The following ZNF717 variants were observed in gnomAD, a reference collection of about 807,000 sequenced individuals.
ZNF717 encodes the protein zinc finger protein 717.
A neutral mutation model predicts 13.8 loss-of-function variants in ZNF717; 9 were observed. That is an observed-to-expected ratio of 0.65 (90% CI 0.39 to 1.14). The LOEUF (loss-of-function observed/expected upper bound fraction) is 1.14, where lower values mean the gene tolerates loss of function less well. Among genes scored for constraint, ZNF717 ranks in the 50% most tolerant of loss-of-function variants. ZNF717 has a pLI of 0.01. For missense variants in ZNF717, 1,040 were observed against 1,080.7 expected (o/e 0.96, Z 0.53); for synonymous variants, 327 against 364.1 (o/e 0.90, Z 1.16).
At chr3:75,775,212 C>T (rs148656344) in intron 2 of ZNF717, among the ~76,000 whole-genome samples, 3 of 152,080 alleles carry the variant, frequency 2.0e-5, no homozygotes, top group Admixed American at 6.5e-5. Flanking sequence ...GATCCACCTA[C>T]CTTGGCCTCC....
At chr3:75,739,684 T>TA (rs33959274) in intron 4 of ZNF717, among the ~76,000 whole-genome samples, 1 of 150,756 alleles carries the variant, frequency 6.6e-6, no homozygotes, top group Non-Finnish European at 1.5e-5. Context: ...TCTTTTTTTT[T>TA]ATTTATTCAT....
At chr3:75,708,239 C>A, downstream of ZNF717, among the ~76,000 whole-genome samples, 1 of 152,292 alleles carries the variant, frequency 6.6e-6, no homozygotes. Context: ...CTGGGTACTC[C>A]TCTGAGACAA....
In ZNF717 at chr3:75,737,160, T is replaced by C; in HGVS notation, c.2463A>G (p.Lys821=). ...AGAGTTTTGACTTCTGGGAGAAGGT[T>C]TTCCTACATTCTTTACATTCAAATG... ...EKPFECKECR[K]TFSQKSKLFV... The change falls in exon 5 of 5, where the codon AAA becomes AAG. Residue 821 remains lysine (K), a synonymous_variant. Coordinates refer to ENST00000652011, the MANE Select transcript of ZNF717 (RefSeq NM_001290208.3). The C allele has an allele frequency of 6.4e-7, 1 of 1,559,670 alleles. No homozygotes were observed. The highest frequency in any genetic ancestry group is 1.2e-5 in the South Asian group (1 of 84,842).
chr3:75,729,357 T>C (rs1376802251), downstream of ZNF717, among the ~76,000 whole-genome samples: 3 of 152,248 alleles, frequency 2.0e-5, no homozygotes, highest in Admixed American at 2.0e-4. Flanking sequence ...AGCTCACATC[T>C]GTAATCCCAG....
At chr3:75,708,357 G>C (rs546681799), downstream of ZNF717, among the ~76,000 whole-genome samples, 3 of 152,402 alleles carry the variant, frequency 2.0e-5, no homozygotes, top group Non-Finnish European at 2.9e-5. Context: ...AGGCAAACAG[G>C]GTCTGGAGTG....
At position 75,739,212 on chromosome 3, in the gene ZNF717, G is replaced by A; in HGVS notation, c.411C>T (p.Asn137=). The A allele has an allele frequency of 1.3e-6, 2 of 1,550,914 alleles. No individual in the cohort carries two copies. The highest frequency in any genetic ancestry group is 1.7e-6 in the Non-Finnish European group (2 of 1,146,610). Residue 137 remains asparagine, a synonymous_variant, in exon 5 of 5, where the codon AAC becomes AAT. Coordinates refer to ENST00000652011, the MANE Select transcript of ZNF717 (RefSeq NM_001290208.3). ...TAATCAGATTTAAAACATGGTTTGA[G>A]TTCAAATTAAATGTTTTTCCTAATT... ...RVELGKTFNL[N]SNHVLNLIIN... is the part of the protein sequence containing the mutation.
rs796460200 is a variant in ZNF717, at chr3:75,753,218, T to C, written c.58-11482A>G. Among the ~76,000 whole-genome samples, 24 of 148,726 alleles carry C rather than the reference T, an allele frequency of 1.6e-4. No individual in the cohort carries two copies. In the South Asian group the frequency reaches 4.9e-3, roughly 31 times the overall value. Reference sequence around the variant, plus strand: ...CTGCGAGTGTCTGAATGTTTGTCCCTCACATGGGATTCCAGAACACTGCTG... The same window carrying C: ...CTGCGAGTGTCTGAATGTTTGTCCCCCACATGGGATTCCAGAACACTGCTG... On this transcript the variant is annotated intron_variant, in intron 2 of 4. Coordinates refer to ENST00000652011, the MANE Select transcript of ZNF717 (RefSeq NM_001290208.3).
intron 2 of ZNF717, among the ~76,000 whole-genome samples, chr3:75,780,910 G>C (rs200421245): frequency 2.6e-5 from 4 of 152,018 alleles, no homozygotes; most frequent in Non-Finnish European, 4.4e-5. Context: ...GCATAAGAAG[G>C]TACCTTCTAC....
chr3:75,736,903 G>A lies in ZNF717; in HGVS notation c.2720C>T (p.Pro907Leu), dbSNP rs552163558. ...SDVAEAGYVF[P>L]QNHSFFP ...TCAAGGGAAAAAAGAGTGATTTTGA[G>A]GGAACACATAGCCTGCCTCAGCTAC... Residue 907 changes from proline to leucine, a missense_variant, in exon 5 of 5, where the codon CCT (proline) becomes CTT (leucine). Pro to Leu is a moderately conservative substitution (Grantham distance 98). Around this residue, in one of 3 missense-constraint regions of ZNF717, gnomAD observed 44 missense variants for 70.1 expected, o/e 0.63. Transcript: ENST00000652011. 1.9e-5 allele frequency: 30 copies of A among 1,552,868 alleles called. No individual in the cohort carries two copies. In the South Asian group the frequency reaches 3.3e-4, roughly 17 times the overall value.
chr3:75,712,133 G>A (rs1986234), intron 5 of ZNF717, among the ~76,000 whole-genome samples: 27 of 152,374 alleles, frequency 1.8e-4, no homozygotes, highest in Admixed American at 1.6e-3. Context: ...TTGAAGGAAA[G>A]TTATCACCTC....
chr3:75,754,420 T>G (rs535431389), intron 2 of ZNF717, among the ~76,000 whole-genome samples: 4 of 147,798 alleles, frequency 2.7e-5, no homozygotes, highest in African/African-American at 7.4e-5. Context: ...CCTATGATTT[T>G]GGAATTTTTT....
At chr3:75,746,867 AT>A (rs1941232286) in intron 2 of ZNF717, among the ~76,000 whole-genome samples, 1 of 152,152 alleles carries the variant, frequency 6.6e-6, no homozygotes, top group South Asian at 2.1e-4. Flanking sequence ...CGTTAGTTTA[AT>A]TAGATCCTAT....
exon 6 of ZNF717, chr3:75,730,085 T>C (rs1488625371): frequency 6.6e-6 from 1 of 152,450 alleles, no homozygotes; most frequent in African/African-American, 2.4e-5. Context: ...TTAATAACTG[T>C]ACACAGGCAG....
At chr3:75,776,367 T>C (rs1944321269) in intron 2 of ZNF717, among the ~76,000 whole-genome samples, 1 of 152,288 alleles carries the variant, frequency 6.6e-6, no homozygotes, top group African/African-American at 2.4e-5. Context: ...TGATGGGCCA[T>C]TTAAACATTT....
intron 5 of ZNF717, among the ~76,000 whole-genome samples, chr3:75,711,588 G>A (rs1305730708): frequency 3.7e-4 from 57 of 152,220 alleles, no homozygotes; most frequent in African/African-American, 1.3e-3. Flanking sequence ...TTCAACTTGG[G>A]AGTTTGAGAT....
chr3:75,774,618 T>C (rs1252530097), intron 2 of ZNF717, among the ~76,000 whole-genome samples: 2 of 138,678 alleles, frequency 1.4e-5, no homozygotes, highest in Admixed American at 1.4e-4. Flanking sequence ...TGGTTTTTTT[T>C]TTTTTTTTTT....
intron 2 of ZNF717, among the ~76,000 whole-genome samples, chr3:75,779,176 A>G (rs563864615): frequency 5.9e-5 from 9 of 151,720 alleles, no homozygotes; most frequent in African/African-American, 2.2e-4. Flanking sequence ...AACCCAAAAC[A>G]ATGGGAGTGA....
At chr3:75,752,785 G>A (rs144945009) in intron 2 of ZNF717, among the ~76,000 whole-genome samples, 3 of 148,650 alleles carry the variant, frequency 2.0e-5, no homozygotes, top group Non-Finnish European at 4.5e-5. Context: ...CTGAATGTTT[G>A]CCCTTAACAT....
chr3:75,734,353 G>C (rs1464404719), downstream of ZNF717, among the ~76,000 whole-genome samples: 223 of 152,058 alleles, frequency 1.5e-3, 1 homozygote, highest in African/African-American at 5.1e-3. Context: ...ACAGGTGTGA[G>C]CCACCACACC....
Sources: allele counts gnomAD v4.1 joint callset (sites outside exome capture counted in the v4.1 genomes callset), GRCh38; gene constraint gnomAD v4.1.1; regional missense constraint gnomAD v4.1.1; transcripts MANE v1.5; gene names NCBI Gene and HGNC (gene_info 2026-07-23, HGNC 2026-07-21).